The following GPHN variants were observed in gnomAD, a reference collection of about 807,000 sequenced individuals.
The protein encoded by GPHN is gephyrin.
In GPHN, 17 loss-of-function variants were observed where a neutral mutation model predicts 95.5. The ratio of observed to expected loss-of-function variants is 0.18; its 90% CI spans 0.12 to 0.27. GPHN has a LOEUF of 0.27. Among genes scored for constraint, GPHN ranks in the 10% least tolerant of loss-of-function variants. The pLI, the probability that GPHN is intolerant of heterozygous loss-of-function variation, is 1.00. For missense variants in GPHN, 660 were observed against 978.1 expected, an observed-to-expected ratio of 0.67 and a Z score of 4.34; for synonymous variants, 320 against 322.5, an observed-to-expected ratio of 0.99 and a Z score of 0.08.
chr14:66,766,206 A>G (rs2058956137), intron 2 of GPHN, among the ~76,000 whole-genome samples: 1 of 152,176 alleles, frequency 6.6e-6, no homozygotes, highest in African/African-American at 2.4e-5. Context: ...TAAGATGCAT[A>G]TGTATATGTA....
chr14:67,599,164 A>T, the GPHN span, among the ~76,000 whole-genome samples: 1 of 152,264 alleles, frequency 6.6e-6, no homozygotes, highest in African/African-American at 2.4e-5. Context: ...CCAAGTTACA[A>T]AAATAAATAG....
chr14:67,434,738 G>A, the GPHN span, among the ~76,000 whole-genome samples: 5 of 152,172 alleles, frequency 3.3e-5, no homozygotes, highest in East Asian at 1.9e-4. Flanking sequence ...GTCTTGGTCC[G>A]TGTTTTGTTG....
intron 4 of GPHN, among the ~76,000 whole-genome samples, chr14:66,826,218 C>T (rs1050335760): frequency 3.3e-5 from 5 of 152,174 alleles, no homozygotes; most frequent in African/African-American, 9.6e-5. Context: ...TTGTATCCTA[C>T]TGGGCTTTCA....
At chr14:67,157,008 T>C (rs1280529501) in intron 18 of GPHN, among the ~76,000 whole-genome samples, 3 of 149,360 alleles carry the variant, frequency 2.0e-5, no homozygotes, top group East Asian at 1.9e-4. Flanking sequence ...TAAATGTAAA[T>C]AGACTGAATC....
At chr14:67,617,717 GTTGT>G in the GPHN span, among the ~76,000 whole-genome samples, 8 of 152,154 alleles carry the variant, frequency 5.3e-5, no homozygotes, top group Middle Eastern at 3.4e-3. Context: ...GAGGTTTTTT[GTTGT>G]TTGTTTGTTT....
At chr14:67,304,285 C>A in the GPHN span, among the ~76,000 whole-genome samples, 23,511 of 152,054 alleles carry the variant, frequency 0.15, 3,421 homozygotes, top group East Asian at 0.42. Flanking sequence ...CAAGCAATTG[C>A]ATTCCAAAGT....
At chr14:67,572,110 C>T in the GPHN span, 2 of 1,596,838 alleles carry the variant, frequency 1.3e-6, no homozygotes, top group South Asian at 1.1e-5. Flanking sequence ...GGGACCCGGG[C>T]CTTGACTCCT....
At chr14:66,538,585 A>G (rs929649017) in intron 1 of GPHN, among the ~76,000 whole-genome samples, 1 of 151,458 alleles carries the variant, frequency 6.6e-6, no homozygotes, top group Non-Finnish European at 1.5e-5. Flanking sequence ...TCTCAGCTCT[A>G]GGAAGTTTTA....
At chr14:67,674,435 G>A in the GPHN span, 2 of 1,609,448 alleles carry the variant, frequency 1.2e-6, no homozygotes, top group African/African-American at 1.3e-5. Flanking sequence ...TGGAGGCCGC[G>A]GAAGATCTCG....
intron 20 of GPHN, among the ~76,000 whole-genome samples, chr14:67,166,061 G>A (rs2082259723): frequency 6.6e-6 from 1 of 151,998 alleles, no homozygotes; most frequent in East Asian, 1.9e-4. Context: ...CAAATCTCAT[G>A]GCTTTTGGAT....
chr14:66,743,552 C>T (rs1032721357), intron 2 of GPHN, among the ~76,000 whole-genome samples: 7 of 151,830 alleles, frequency 4.6e-5, no homozygotes, highest in Admixed American at 2.0e-4. Context: ...CTGGCTAACA[C>T]GGTGAAGCCC....
At chr14:66,607,576 G>A (rs1205725058) in intron 1 of GPHN, among the ~76,000 whole-genome samples, 2 of 151,816 alleles carry the variant, frequency 1.3e-5, no homozygotes, top group South Asian at 4.2e-4. Context: ...AGTAGGATTG[G>A]TGCCAGTTCT....
chr14:67,278,358 A>C, the GPHN span, among the ~76,000 whole-genome samples: 1 of 148,076 alleles, frequency 6.8e-6, no homozygotes, highest in South Asian at 2.1e-4. Context: ...TTTTTTTTTA[A>C]TGGGACCAGT....
chr14:67,506,853 A>G, the GPHN span, among the ~76,000 whole-genome samples: 2 of 152,116 alleles, frequency 1.3e-5, no homozygotes, highest in East Asian at 1.9e-4. Flanking sequence ...GGGTGGTGGC[A>G]TGCACCTGTA....
intron 11 of GPHN, among the ~76,000 whole-genome samples, chr14:67,082,371 A>T (rs1412854466): frequency 6.6e-6 from 1 of 152,114 alleles, no homozygotes; most frequent in African/African-American, 2.4e-5. Flanking sequence ...TTTTACTAGC[A>T]CCATTTGTTG....
At chr14:67,064,165 G>A (rs1160149289) in intron 11 of GPHN, among the ~76,000 whole-genome samples, 4 of 152,094 alleles carry the variant, frequency 2.6e-5, no homozygotes, top group Admixed American at 6.5e-5. Flanking sequence ...TTTGTCGAAG[G>A]CCTTTTCTGC....
At chr14:67,732,429 C>CAAAAAAA in the GPHN span, among the ~76,000 whole-genome samples, 1 of 126,492 alleles carries the variant, frequency 7.9e-6, no homozygotes, top group Non-Finnish European at 1.7e-5. Flanking sequence ...GACCCTATCT[C>CAAAAAAA]AAAAAAAAAA....
At chr14:67,493,437 T>C in the GPHN span, among the ~76,000 whole-genome samples, 1 of 152,302 alleles carries the variant, frequency 6.6e-6, no homozygotes, top group African/African-American at 2.4e-5. Context: ...ACAGGGTCTG[T>C]GTTAGGGATA....
the GPHN span, among the ~76,000 whole-genome samples, chr14:67,679,021 C>T: frequency 6.6e-6 from 1 of 152,108 alleles, no homozygotes; most frequent in Non-Finnish European, 1.5e-5. Context: ...ATACGACAAA[C>T]TGGGTAACTA....
Sources: allele counts gnomAD v4.1 joint callset (sites outside exome capture counted in the v4.1 genomes callset), GRCh38; gene constraint gnomAD v4.1.1; transcripts MANE v1.5; gene names NCBI Gene and HGNC (gene_info 2026-07-23, HGNC 2026-07-21).